The following SLIT2 variants were observed in gnomAD, a reference collection of about 807,000 sequenced individuals.
SLIT2 encodes the protein slit guidance ligand 2, also known as slit homolog 2 protein.
Under a neutral mutation model 185.7 loss-of-function variants are expected in SLIT2, and 41 were observed. The ratio of observed to expected loss-of-function variants is 0.22; its 90% CI spans 0.17 to 0.29. The LOEUF is 0.29. Ranked by LOEUF, SLIT2 falls within the 10% of genes least tolerant of loss-of-function variation. The probability of loss-of-function intolerance (pLI) is 1.00; values close to 1 mark genes in which losing one functional copy is unlikely to be tolerated. For synonymous variants in SLIT2, 693 were observed against 680.2 expected, an observed-to-expected ratio of 1.02 and a Z score of -0.29; for missense variants, 1,571 against 1,909.0, an observed-to-expected ratio of 0.82 and a Z score of 3.30.
At chr4:20,358,434 A>T (rs956807562) in intron 4 of SLIT2, among the ~76,000 whole-genome samples, 2 of 152,196 alleles carry the variant, frequency 1.3e-5, no homozygotes, top group African/African-American at 4.8e-5. Context: ...TACTCACATC[A>T]GGCACGCAGT....
rs56709441 is a variant in SLIT2 at position 20,506,664 on chromosome 4, A to G, written c.915-3831A>G. Among the ~76,000 whole-genome samples the G allele has an allele frequency of 9.2e-4, 140 of 152,104 alleles. 1 individual carries two copies. In the Middle Eastern group the frequency reaches 0.014, roughly 15 times the overall value. ...ATCAAATATATTCTAAAATTCTTACAATGAAAAGGAAAACCCCTTTATTCT... is the reference window on the plus strand; with the variant it reads ...ATCAAATATATTCTAAAATTCTTACGATGAAAAGGAAAACCCCTTTATTCT... On this transcript the variant is annotated intron_variant, in intron 9 of 36. Transcript: ENST00000504154.
At chr4:20,289,964 A>C (rs547397110) in intron 4 of SLIT2, among the ~76,000 whole-genome samples, 1 of 152,294 alleles carries the variant, frequency 6.6e-6, no homozygotes, top group Admixed American at 6.5e-5. Context: ...CTCCAGCTGC[A>C]CAGGCATATG....
rs188920230 is a variant in SLIT2, at chr4:20,364,965, G to A, written c.395+96084G>A. ...ACAGATGAAACATTTCAGATGCACC[G>A]TACCAAATAAAATCATACTCCTTAG... On this transcript the variant is annotated intron_variant, in intron 4 of 36. Transcript: ENST00000504154. Among the ~76,000 whole-genome samples the A allele has an allele frequency of 4.3e-4, 66 of 152,070 alleles. 2 individuals are homozygous for A. In the East Asian group the frequency reaches 0.012, roughly 27 times the overall value.
intron 21 of SLIT2, among the ~76,000 whole-genome samples, chr4:20,543,868 T>C (rs992191319): frequency 1.3e-5 from 2 of 152,174 alleles, no homozygotes; most frequent in African/African-American, 4.8e-5. Context: ...TTTATATGTA[T>C]ATGTGTGTAA....
intron 16 of SLIT2, 84 bp from the exon 17 acceptor site, chr4:20,531,900 G>T (rs924368848): frequency 1.4e-6 from 1 of 716,020 alleles, no homozygotes; most frequent in South Asian, 1.8e-5. Flanking sequence ...ATTAAATAAT[G>T]TTAGAATTCA....
chr4:20,266,535 A>G (rs1423964090), intron 3 of SLIT2, among the ~76,000 whole-genome samples: 1 of 151,932 alleles, frequency 6.6e-6, no homozygotes, highest in Non-Finnish European at 1.5e-5. Context: ...GAAATATATC[A>G]AAATACTAAG....
intron 5 of SLIT2, among the ~76,000 whole-genome samples, chr4:20,472,485 T>TATATATATATAG (rs1715458293): frequency 4.5e-5 from 1 of 22,104 alleles, no homozygotes; most frequent in African/African-American, 3.7e-4. Flanking sequence ...GATATATATC[T>TATATATATATAG]ATATATAGAT....
chr4:20,292,243 GT>G (rs34827940), intron 4 of SLIT2, among the ~76,000 whole-genome samples: 276 of 152,158 alleles, frequency 1.8e-3, no homozygotes, highest in Non-Finnish European at 3.3e-3. Context: ...TGAATTGTAG[GT>G]TTCTAATAAA....
intron 26 of SLIT2, among the ~76,000 whole-genome samples, chr4:20,556,386 T>C (rs1253909760): frequency 1.3e-5 from 2 of 151,984 alleles, no homozygotes; most frequent in East Asian, 3.9e-4. Flanking sequence ...CCAGCGATAC[T>C]CATACTTTAT....
intron 29 of SLIT2, among the ~76,000 whole-genome samples, chr4:20,577,622 T>C (rs560190484): frequency 8.5e-5 from 13 of 152,274 alleles, no homozygotes; most frequent in South Asian, 4.1e-4. Flanking sequence ...GGAGAAAATA[T>C]ACATACTTTT....
chr4:20,309,899 A>G (rs1717930845), intron 4 of SLIT2, among the ~76,000 whole-genome samples: 2 of 151,428 alleles, frequency 1.3e-5, no homozygotes, highest in South Asian at 4.2e-4. Context: ...AGCTGGGACT[A>G]CAGGCGCCCA....
chr4:20,384,894 T>A (rs1403122424), intron 4 of SLIT2, among the ~76,000 whole-genome samples: 1 of 152,188 alleles, frequency 6.6e-6, no homozygotes, highest in Non-Finnish European at 1.5e-5. Context: ...ATTCTGGCCA[T>A]AGGAGCAAGT....
At chr4:20,469,834 C>T (rs1355188915) in intron 5 of SLIT2, among the ~76,000 whole-genome samples, 1 of 144,488 alleles carries the variant, frequency 6.9e-6, no homozygotes, top group Admixed American at 7.3e-5. Flanking sequence ...CAGCTCACTG[C>T]AACCTCCACC....
intron 25 of SLIT2, among the ~76,000 whole-genome samples, chr4:20,551,191 A>T (rs1338889431): frequency 1.3e-5 from 2 of 152,108 alleles, no homozygotes; most frequent in African/African-American, 4.8e-5. Context: ...TCTCATTATT[A>T]TCTGATTCTA....
chr4:20,609,931 C>T, intron 33 of SLIT2, 82 bp from the exon 34 acceptor site: 1 of 1,287,992 alleles, frequency 7.8e-7, no homozygotes, highest in Non-Finnish European at 1.1e-6. Context: ...TCCCAAGGAG[C>T]ACTTATCAAA....
chr4:20,362,297 A>C (rs1315483816), intron 4 of SLIT2, among the ~76,000 whole-genome samples: 6 of 152,238 alleles, frequency 3.9e-5, no homozygotes, highest in African/African-American at 1.4e-4. Flanking sequence ...GGGTGGGTGA[A>C]GGCAGAGGAG....
rs149679300 is a variant in SLIT2, at chr4:20,593,979, TA to T, written c.3183-1717del. On this transcript the variant is annotated intron_variant, in intron 30 of 36. Coordinates refer to ENST00000504154, the MANE Select transcript of SLIT2 (RefSeq NM_004787.4). ...ACATATGTGTGTATGTATATGTATA[TA>T]CACATGTACATACATATACACACAC... Among the ~76,000 whole-genome samples the T allele has an allele frequency of 2.6e-3, 396 of 151,004 alleles. 1 individual carries two copies. Among genetic ancestry groups the T allele is most frequent in the African/African-American group, 8.9e-3 (366 of 41,238 alleles).
intron 5 of SLIT2, among the ~76,000 whole-genome samples, chr4:20,475,314 T>TG (rs1464337616): frequency 1.8e-4 from 20 of 114,144 alleles, no homozygotes; most frequent in Middle Eastern, 5.1e-3. Flanking sequence ...TCTGAGGTTT[T>TG]GGTTTTTTTT....
At chr4:20,518,877 A>C (rs2148840673) in intron 11 of SLIT2, among the ~76,000 whole-genome samples, 1 of 151,732 alleles carries the variant, frequency 6.6e-6, no homozygotes, top group East Asian at 2.0e-4. Context: ...AAGTGCTGGG[A>C]TTACAGGCGT....
Sources: allele counts gnomAD v4.1 joint callset (sites outside exome capture counted in the v4.1 genomes callset), GRCh38; gene constraint gnomAD v4.1.1; transcripts MANE v1.5; gene names NCBI Gene and HGNC (gene_info 2026-07-23, HGNC 2026-07-21).